DTNB: variants seen among roughly 807,000 people sequenced by gnomAD.
DTNB encodes the protein dystrobrevin beta, also known as DTN-B.
DTNB carries 63 observed loss-of-function variants against 90.7 expected under a neutral mutation model. The observed-to-expected ratio is 0.69, with a 90% CI of 0.57 to 0.86. The LOEUF (loss-of-function observed/expected upper bound fraction) is 0.86, where lower values mean the gene tolerates loss of function less well. DTNB is among the 40% of genes least tolerant of loss of function. The probability of loss-of-function intolerance (pLI) is 0.00; values close to 1 mark genes in which losing one functional copy is unlikely to be tolerated. For missense variants in DTNB, 744 were observed against 807.1 expected (o/e 0.92, Z 0.95); for synonymous variants, 277 against 286.7 (o/e 0.97, Z 0.34).
intron 18 of DTNB, chr2:25,385,940 G>A (rs989336564): frequency 2.7e-5 from 23 of 861,802 alleles, no homozygotes; most frequent in Non-Finnish European, 3.2e-5. Context: ...AATTCCCATG[G>A]CCCGAAATTC....
intron 9 of DTNB, among the ~76,000 whole-genome samples, chr2:25,518,411 G>A (rs2075534155): frequency 6.6e-6 from 1 of 152,098 alleles, no homozygotes. Context: ...ATGGTTCTGA[G>A]TTTTGTTGTA....
intron 9 of DTNB, among the ~76,000 whole-genome samples, chr2:25,525,515 A>G (rs185027281): frequency 6.6e-6 from 1 of 152,226 alleles, no homozygotes; most frequent in African/African-American, 2.4e-5. Flanking sequence ...ACATGCCTGT[A>G]ATCCCAGCTA....
chr2:25,493,658 A>G (rs1227642475), intron 9 of DTNB, among the ~76,000 whole-genome samples: 1 of 152,226 alleles, frequency 6.6e-6, no homozygotes, highest in Non-Finnish European at 1.5e-5. Flanking sequence ...ATAGCTCTAG[A>G]AAACCTTTCT....
chr2:25,576,248 CAG>C (rs919046064), intron 8 of DTNB, among the ~76,000 whole-genome samples: 2 of 117,864 alleles, frequency 1.7e-5, no homozygotes, highest in African/African-American at 6.5e-5. Context: ...TTTTTTGAGA[CAG>C]AGTCTTACTC....
intron 6 of DTNB, among the ~76,000 whole-genome samples, chr2:25,590,246 G>A (rs574542252): frequency 6.6e-6 from 1 of 152,352 alleles, no homozygotes; most frequent in East Asian, 1.9e-4. Flanking sequence ...AACATGGCAA[G>A]CAAGGGGCAT....
intron 6 of DTNB, 25 bp from the exon 7 acceptor site, chr2:25,580,851 T>C (rs750794648): frequency 6.3e-7 from 1 of 1,582,360 alleles, no homozygotes; most frequent in Non-Finnish European, 8.6e-7. Context: ...AAAACAAACA[T>C]ACTTTAAGTT....
chr2:25,552,841 ATTTTTTTTTTTTTTT>A (rs544243784), intron 8 of DTNB, among the ~76,000 whole-genome samples: 45 of 86,034 alleles, frequency 5.2e-4, no homozygotes, highest in Non-Finnish European at 8.5e-4. Flanking sequence ...TCTCTTTTTG[ATTTTTTTTTTTTTTT>A]TTTTTTTTTT....
At chr2:25,540,660 A>G (rs1376829961) in intron 8 of DTNB, among the ~76,000 whole-genome samples, 2 of 152,154 alleles carry the variant, frequency 1.3e-5, no homozygotes, top group Non-Finnish European at 2.9e-5. Flanking sequence ...TGTAGAAAGA[A>G]GTAGACATGG....
chr2:25,655,551 T>C (rs1391202659), intron 1 of DTNB, among the ~76,000 whole-genome samples: 1 of 152,210 alleles, frequency 6.6e-6, no homozygotes, highest in African/African-American at 2.4e-5. Context: ...TCTGTTGATA[T>C]GGGCCACTCT....
intron 19 of DTNB, among the ~76,000 whole-genome samples, chr2:25,383,144 A>T (rs1396067179): frequency 6.6e-6 from 1 of 150,624 alleles, no homozygotes; most frequent in Non-Finnish European, 1.5e-5. Context: ...TATTATACTT[A>T]TATGCTGAAA....
intron 15 of DTNB, among the ~76,000 whole-genome samples, chr2:25,423,198 GACAAAAAA>G (rs1016841912): frequency 2.1e-5 from 3 of 144,092 alleles, no homozygotes; most frequent in South Asian, 2.2e-4. Context: ...CTCCATCTCA[GACAAAAAA>G]ACAAAAAAAC....
intron 6 of DTNB, among the ~76,000 whole-genome samples, chr2:25,581,460 C>T (rs1001681464): frequency 6.6e-6 from 1 of 152,186 alleles, no homozygotes; most frequent in Non-Finnish European, 1.5e-5. Context: ...GAGATTGGAA[C>T]CTACATGTCC....
chr2:25,639,749 G>A (rs940658404), intron 2 of DTNB, among the ~76,000 whole-genome samples: 10 of 152,196 alleles, frequency 6.6e-5, no homozygotes, highest in Admixed American at 4.6e-4. Context: ...CACAGAATGC[G>A]GCAGAAGTAC....
At chr2:25,385,954 G>A in intron 18 of DTNB, 2 of 929,158 alleles carry the variant, frequency 2.2e-6, no homozygotes, top group South Asian at 9.9e-5. Context: ...GAAATTCCCT[G>A]AGAAATTTCC....
intron 9 of DTNB, among the ~76,000 whole-genome samples, chr2:25,524,786 G>C (rs1424741569): frequency 6.6e-6 from 1 of 152,208 alleles, no homozygotes; most frequent in Admixed American, 6.5e-5. Context: ...CCACTGCCCA[G>C]GTTGGCTGCT....
chr2:25,525,617 C>G (rs772234643), intron 9 of DTNB, among the ~76,000 whole-genome samples: 2 of 148,614 alleles, frequency 1.3e-5, no homozygotes, highest in Non-Finnish European at 3.0e-5. Flanking sequence ...GCCTCGGCAA[C>G]AAGAGCGAAA....
At chr2:25,626,744 G>A (rs1370073312) in intron 4 of DTNB, among the ~76,000 whole-genome samples, 1 of 152,196 alleles carries the variant, frequency 6.6e-6, no homozygotes, top group African/African-American at 2.4e-5. Flanking sequence ...CTAATTCACA[G>A]ACTCCTCCCT....
chr2:25,510,140 A>G (rs2073619318), intron 9 of DTNB, among the ~76,000 whole-genome samples: 1 of 151,122 alleles, frequency 6.6e-6, no homozygotes. Flanking sequence ...AATTTTTTTT[A>G]TTTTGTCCTT....
intron 4 of DTNB, among the ~76,000 whole-genome samples, chr2:25,608,872 G>C (rs1573347595): frequency 6.6e-6 from 1 of 152,218 alleles, no homozygotes; most frequent in African/African-American, 2.4e-5. Context: ...CACTATGCTA[G>C]ATTTCAAGGG....
Sources: allele counts gnomAD v4.1 joint callset (sites outside exome capture counted in the v4.1 genomes callset), GRCh38; gene constraint gnomAD v4.1.1; transcripts MANE v1.5; gene names NCBI Gene and HGNC (gene_info 2026-07-23, HGNC 2026-07-21).